Variants in AFF3 observed in about 807,000 individuals in gnomAD.
AFF3 encodes the protein AF4/FMR2 family member 3.
In AFF3, 32 loss-of-function variants were observed where a neutral mutation model predicts 129.7. That is an observed-to-expected ratio of 0.25 (90% CI 0.19 to 0.33). The LOEUF is 0.33. AFF3 is among the 10% of genes least tolerant of loss of function. The pLI is 1.00. For missense variants in AFF3, 1,373 were observed against 1,592.0 expected (o/e 0.86, Z 2.34); for synonymous variants, 644 against 635.4 (o/e 1.01, Z -0.20).
chr2:99,751,041 C>T (rs1363017124), intron 9 of AFF3, among the ~76,000 whole-genome samples: 2 of 152,208 alleles, frequency 1.3e-5, no homozygotes, highest in East Asian at 3.9e-4. Context: ...ACAGCATGAA[C>T]AATTCTTTCA....
chr2:99,649,511 ATCCC>A, intron 13 of AFF3, 111 bp downstream of exon 13: 1 of 1,158,094 alleles, frequency 8.6e-7, no homozygotes, highest in Non-Finnish European at 1.3e-6. Flanking sequence ...AATGTTTAAC[ATCCC>A]AGTTCAGAGA....
At chr2:100,104,785 G>C (rs1206862749) in intron 3 of AFF3, 1 of 830,154 alleles carries the variant, frequency 1.2e-6, no homozygotes. Context: ...GCGGCGGCCC[G>C]GCCCGCTGCT....
chr2:99,804,200 T>C (rs1196370959), intron 8 of AFF3, among the ~76,000 whole-genome samples: 1 of 152,094 alleles, frequency 6.6e-6, no homozygotes, highest in Non-Finnish European at 1.5e-5. Flanking sequence ...GACAAAGAAC[T>C]AATATCTAGA....
At chr2:100,028,447 C>T (rs1225946784) in intron 4 of AFF3, among the ~76,000 whole-genome samples, 1 of 151,850 alleles carries the variant, frequency 6.6e-6, no homozygotes, top group Admixed American at 6.6e-5. Flanking sequence ...TATTAATACT[C>T]ATGTACCTCA....
chr2:99,718,320 T>A (rs1678566872), intron 11 of AFF3, among the ~76,000 whole-genome samples: 1 of 152,270 alleles, frequency 6.6e-6, no homozygotes, highest in Non-Finnish European at 1.5e-5. Flanking sequence ...TAGTTAGGTT[T>A]TAAATTTCTC....
At chr2:99,559,397 A>G (rs1163979723) in intron 21 of AFF3, among the ~76,000 whole-genome samples, 1 of 152,274 alleles carries the variant, frequency 6.6e-6, no homozygotes, top group African/African-American at 2.4e-5. Context: ...GCTCCACTAA[A>G]GTCACAAACA....
intron 7 of AFF3, among the ~76,000 whole-genome samples, chr2:99,850,795 A>T (rs958537093): frequency 6.6e-6 from 1 of 152,240 alleles, no homozygotes; most frequent in Non-Finnish European, 1.5e-5. Flanking sequence ...AGAGAATACA[A>T]AGATTATTTA....
At chr2:99,796,758 G>A (rs1284887840) in intron 8 of AFF3, among the ~76,000 whole-genome samples, 5 of 152,124 alleles carry the variant, frequency 3.3e-5, no homozygotes, top group Non-Finnish European at 7.4e-5. Flanking sequence ...GCTAGGGAAA[G>A]AATCATCTGA....
Position 99,847,364 on chromosome 2 carries a change from C to T in AFF3, c.874-9840G>A, listed in dbSNP as rs186859477. ...ATAATTTTTGTATTTTCAGGAGAAA[C>T]GGGGTTTCGCCATGTTGGCCAGGCT... is the stretch of plus-strand genomic sequence containing the variant. On this transcript the variant is annotated intron_variant, in intron 7 of 24. Coordinates refer to ENST00000672756, the MANE Select transcript of AFF3 (RefSeq NM_001386135.1). Among the ~76,000 whole-genome samples, 271 of 151,560 alleles carry T rather than the reference C, an allele frequency of 1.8e-3. 1 individual carries two copies. The highest frequency in any genetic ancestry group is 6.4e-3 in the African/African-American group (263 of 41,370).
chr2:100,111,282 A>C (rs1199556930), intron 2 of AFF3, among the ~76,000 whole-genome samples: 1 of 152,262 alleles, frequency 6.6e-6, no homozygotes, highest in Non-Finnish European at 1.5e-5. Context: ...CAGGACTACC[A>C]GATATCCCAG....
chr2:99,834,523 G>A (rs1490515722), intron 8 of AFF3, among the ~76,000 whole-genome samples: 2 of 152,194 alleles, frequency 1.3e-5, no homozygotes, highest in Admixed American at 6.5e-5. Flanking sequence ...CTCCCAAGAA[G>A]TCTCTAAATT....
chr2:99,788,899 T>C (rs577523407), intron 8 of AFF3, among the ~76,000 whole-genome samples: 2 of 152,320 alleles, frequency 1.3e-5, no homozygotes, highest in Admixed American at 6.5e-5. Context: ...ATAGTTATCA[T>C]TGTGGCACGA....
intron 13 of AFF3, among the ~76,000 whole-genome samples, chr2:99,648,649 G>T (rs1684907493): frequency 6.6e-6 from 1 of 152,038 alleles, no homozygotes. Context: ...ATTCGCCTAA[G>T]TGACAGGTTT....
At chr2:100,007,100 G>A in intron 6 of AFF3, 48 bp downstream of exon 6, 1 of 1,598,780 alleles carries the variant, frequency 6.3e-7, no homozygotes, top group Non-Finnish European at 8.5e-7. Context: ...ATAGTTCTCT[G>A]GGTTTTAGCA....
At chr2:99,564,933 A>G (rs927625350) in intron 20 of AFF3, among the ~76,000 whole-genome samples, 1 of 152,186 alleles carries the variant, frequency 6.6e-6, no homozygotes, top group Non-Finnish European at 1.5e-5. Flanking sequence ...GTGCCTTTCC[A>G]GGTCTCCATC....
intron 12 of AFF3, among the ~76,000 whole-genome samples, chr2:99,659,144 T>G (rs1686009847): frequency 6.6e-6 from 1 of 152,228 alleles, no homozygotes; most frequent in South Asian, 2.1e-4. Context: ...CGAACATCGC[T>G]GAAGATTCGC....
At chr2:99,960,294 G>A (rs1471175852) in intron 7 of AFF3, among the ~76,000 whole-genome samples, 1 of 151,732 alleles carries the variant, frequency 6.6e-6, no homozygotes, top group South Asian at 2.1e-4. Context: ...GTTTAATTGT[G>A]TTTAAATAAT....
intron 8 of AFF3, among the ~76,000 whole-genome samples, chr2:99,818,806 C>T (rs973996766): frequency 6.6e-6 from 1 of 152,132 alleles, no homozygotes; most frequent in African/African-American, 2.4e-5. Context: ...TATACTAGAA[C>T]ATGTATTATA....
chr2:100,106,459 G>T, intron 2 of AFF3: 2 of 1,025,234 alleles, frequency 2.0e-6, no homozygotes, highest in Non-Finnish European at 2.3e-6. Context: ...AAGAAAATCT[G>T]TCTTTCTAAT....
Sources: gnomAD v4.1 joint callset for allele counts (sites outside exome capture counted in the v4.1 genomes callset) on GRCh38, gnomAD v4.1.1 for gene constraint, MANE v1.5 for transcripts, NCBI Gene and HGNC (gene_info 2026-07-23, HGNC 2026-07-21) for gene names.